SHISA6: variants seen among roughly 807,000 people sequenced by gnomAD.
SHISA6 encodes the protein protein shisa-6.
In SHISA6, 22 loss-of-function variants were observed where a neutral mutation model predicts 47.9. The ratio of observed to expected loss-of-function variants is 0.46; its 90% CI spans 0.33 to 0.66. The LOEUF is 0.66. Ranked by LOEUF, SHISA6 falls within the 30% of genes least tolerant of loss-of-function variation. The pLI, the probability that SHISA6 is intolerant of heterozygous loss-of-function variation, is 0.02. For missense variants in SHISA6, 680 were observed against 764.6 expected (o/e 0.89, Z 1.30); for synonymous variants, 388 against 337.8 (o/e 1.15, Z -1.63).
chr17:11,358,857 C>G (rs2142227437), intron 2 of SHISA6, among the ~76,000 whole-genome samples: 1 of 152,070 alleles, frequency 6.6e-6, no homozygotes, highest in African/African-American at 2.4e-5. Context: ...CAGGGTTTCA[C>G]CATGTTGCCT....
At chr17:11,315,477 G>A (rs918304161) in intron 2 of SHISA6, among the ~76,000 whole-genome samples, 11 of 151,744 alleles carry the variant, frequency 7.2e-5, no homozygotes, top group Non-Finnish European at 1.3e-4. Context: ...GAGAAATATA[G>A]CGGTAACAGG....
At chr17:11,383,857 T>C (rs1292356178) in intron 3 of SHISA6, among the ~76,000 whole-genome samples, 1 of 152,094 alleles carries the variant, frequency 6.6e-6, no homozygotes, top group Non-Finnish European at 1.5e-5. Context: ...CCTGAAATAT[T>C]TTCTTCGTTA....
In SHISA6 at chr17:11,449,054, A is replaced by T. The variant is rs117295822; in HGVS notation, c.895+69545A>T. ...TGATAACAAGTGGGGAAAGGACAAGATGATTTTTGTATGATACACATTGAG... is the reference window on the plus strand; with the variant it reads ...TGATAACAAGTGGGGAAAGGACAAGTTGATTTTTGTATGATACACATTGAG... On this transcript the variant is annotated intron_variant, in intron 3 of 5. Transcript: ENST00000441885. Among the ~76,000 whole-genome samples the T allele has an allele frequency of 6.2e-4, 94 of 152,356 alleles. No individual in the cohort carries two copies. The East Asian group carries it at 0.018, about 28-fold the overall frequency.
At chr17:11,277,322 C>T (rs12452255) in intron 2 of SHISA6, among the ~76,000 whole-genome samples, 4 of 125,438 alleles carry the variant, frequency 3.2e-5, no homozygotes, top group Middle Eastern at 7.9e-3. Flanking sequence ...ACACACACCC[C>T]GCATGTACGT....
At chr17:11,552,997 T>C (rs2071944156) in intron 4 of SHISA6, among the ~76,000 whole-genome samples, 1 of 152,182 alleles carries the variant, frequency 6.6e-6, no homozygotes, top group Non-Finnish European at 1.5e-5. Flanking sequence ...CCTTACTAAC[T>C]GAATGTGGCT....
chr17:11,311,578 G>C (rs1910343436), intron 2 of SHISA6, among the ~76,000 whole-genome samples: 1 of 151,960 alleles, frequency 6.6e-6, no homozygotes, highest in Admixed American at 6.6e-5. Context: ...TCTTTTGTGG[G>C]GGAACAAATT....
chr17:11,341,369 C>CT (rs1911524546), intron 2 of SHISA6, among the ~76,000 whole-genome samples: 1 of 121,920 alleles, frequency 8.2e-6, no homozygotes, highest in Admixed American at 1.1e-4. Flanking sequence ...GAATCCTGCT[C>CT]TGTTGTCCAG....
chr17:11,485,255 A>G (rs8081818), intron 3 of SHISA6, among the ~76,000 whole-genome samples: 16,765 of 152,092 alleles, frequency 0.11, 1,839 homozygotes, highest in African/African-American at 0.28. Context: ...ATGCTGCGGC[A>G]GAGGAGGGGA....
intron 3 of SHISA6, among the ~76,000 whole-genome samples, chr17:11,403,750 A>G (rs7214336): frequency 0.55 from 83,783 of 152,106 alleles, 23,651 homozygotes; most frequent in Middle Eastern, 0.64. Context: ...ACCTAATTAC[A>G]TAGGATACTT....
intron 3 of SHISA6, among the ~76,000 whole-genome samples, chr17:11,444,091 G>A (rs989139142): frequency 2.6e-5 from 4 of 152,204 alleles, no homozygotes; most frequent in African/African-American, 9.6e-5. Flanking sequence ...GGCCAAGGCA[G>A]GTGGATCACT....
At chr17:11,398,686 G>A (rs1469041938) in intron 3 of SHISA6, among the ~76,000 whole-genome samples, 1 of 151,842 alleles carries the variant, frequency 6.6e-6, no homozygotes, top group South Asian at 2.1e-4. Flanking sequence ...TCCGTCTCCC[G>A]GGTTCAAGCA....
chr17:11,333,159 C>T (rs1197482320), intron 2 of SHISA6, among the ~76,000 whole-genome samples: 2 of 152,174 alleles, frequency 1.3e-5, no homozygotes, highest in Non-Finnish European at 2.9e-5. Flanking sequence ...ATTTAGGCCC[C>T]ACTCTGTAAT....
intron 1 of SHISA6, among the ~76,000 whole-genome samples, chr17:11,249,112 T>G (rs1186995741): frequency 7.4e-6 from 1 of 135,366 alleles, no homozygotes; most frequent in Non-Finnish European, 1.5e-5. Context: ...CACTCCAGCC[T>G]GGGCAACAGA....
intron 3 of SHISA6, among the ~76,000 whole-genome samples, chr17:11,515,662 C>G (rs953632216): frequency 3.9e-5 from 6 of 152,018 alleles, no homozygotes; most frequent in Non-Finnish European, 8.8e-5. Context: ...CAGAATGTAC[C>G]CTTTGTGCCT....
chr17:11,459,305 A>G (rs939777942), intron 3 of SHISA6, among the ~76,000 whole-genome samples: 6 of 151,658 alleles, frequency 4.0e-5, no homozygotes, highest in African/African-American at 1.5e-4. Flanking sequence ...ACCCTCCTAC[A>G]CTGAATTAAT....
Position 11,423,326 on chromosome 17 carries a change from TATAGATAGATAGATAG to T in SHISA6, c.895+43845_895+43860del, listed in dbSNP as rs57338481. Reference sequence around the variant, plus strand: ...TATCTATATATGCCTGTAACATATATATAGATAGATAGATAGATAGATAGATAGATAGATAGATAGA... The same window carrying T: ...TATCTATATATGCCTGTAACATATATATAGATAGATAGATAGATAGATAGA... On this transcript the variant is annotated intron_variant, in intron 3 of 5. Transcript: ENST00000441885. Among the ~76,000 whole-genome samples, 452 of 142,660 alleles carry T rather than the reference TATAGATAGATAGATAG, an allele frequency of 3.2e-3. 4 individuals are homozygous for T. Among genetic ancestry groups the T allele is most frequent in the African/African-American group, 0.011 (402 of 37,600 alleles). 93.6% of individuals were successfully genotyped at this position (142,660 alleles called of 152,430 possible). A position where few individuals can be genotyped will look rare whatever the true frequency, so the allele number is the denominator to read the frequency against.
chr17:11,370,485 CA>C (rs1912600138), intron 2 of SHISA6, among the ~76,000 whole-genome samples: 1 of 152,084 alleles, frequency 6.6e-6, no homozygotes, highest in Non-Finnish European at 1.5e-5. Flanking sequence ...AAATCCAAAC[CA>C]ACAAAATGAT....
At chr17:11,503,645 G>A (rs1567623580) in intron 3 of SHISA6, among the ~76,000 whole-genome samples, 2 of 152,150 alleles carry the variant, frequency 1.3e-5, no homozygotes, top group Non-Finnish European at 2.9e-5. Context: ...GCTCTTGGAG[G>A]TTCCCTAGAC....
chr17:11,290,992 T>A (rs1447918002), intron 2 of SHISA6, among the ~76,000 whole-genome samples: 1 of 151,018 alleles, frequency 6.6e-6, no homozygotes, highest in South Asian at 2.1e-4. Flanking sequence ...AATAATAAAT[T>A]TATTAATAAT....
Sources: gnomAD v4.1 joint callset for allele counts (sites outside exome capture counted in the v4.1 genomes callset) on GRCh38, gnomAD v4.1.1 for gene constraint, MANE v1.5 for transcripts, NCBI Gene and HGNC (gene_info 2026-07-23, HGNC 2026-07-21) for gene names.